Variants in SHANK2 observed in about 807,000 individuals in gnomAD.
SHANK2 encodes SH3 and multiple ankyrin repeat domains protein 2.
SHANK2 carries 43 observed loss-of-function variants against 133.7 expected under a neutral mutation model. The ratio of observed to expected loss-of-function variants is 0.32; its 90% CI spans 0.25 to 0.41. SHANK2 has a LOEUF of 0.41. Ranked by LOEUF, SHANK2 falls within the 10% of genes least tolerant of loss-of-function variation. The pLI, the probability that SHANK2 is intolerant of heterozygous loss-of-function variation, is 1.00. For synonymous variants in SHANK2, 1,017 were observed against 952.8 expected (o/e 1.07, Z -1.24); for missense variants, 1,994 against 2,235.8 (o/e 0.89, Z 2.18).
chr11:70,843,873 A>G (rs9734771), intron 11 of SHANK2, among the ~76,000 whole-genome samples: 127,090 of 152,116 alleles, frequency 0.84, 53,677 homozygotes, highest in South Asian at 0.95. Context: ...GTTCACAAAT[A>G]TCTCCTGGTG....
At chr11:70,726,308 G>A (rs550164167) in intron 14 of SHANK2, among the ~76,000 whole-genome samples, 3 of 152,300 alleles carry the variant, frequency 2.0e-5, no homozygotes, top group African/African-American at 7.2e-5. Context: ...TGTACCAAAA[G>A]CAGGAAGTGC....
chr11:70,530,783 G>C (rs778499887), intron 17 of SHANK2, among the ~76,000 whole-genome samples: 1 of 152,138 alleles, frequency 6.6e-6, no homozygotes, highest in Non-Finnish European at 1.5e-5. Flanking sequence ...ACTGGGGACA[G>C]TGTTTATTGG....
intron 14 of SHANK2, among the ~76,000 whole-genome samples, chr11:70,758,374 C>G (rs1404719497): frequency 6.6e-6 from 1 of 152,354 alleles, no homozygotes; most frequent in East Asian, 1.9e-4. Context: ...ATCCCAGACC[C>G]GCCGTTGACT....
In SHANK2 at chr11:70,927,743, G is replaced by T. The variant is rs114656332; in HGVS notation, c.1108-31176C>A. Among the ~76,000 whole-genome samples, 666 of 152,218 alleles carry T rather than the reference G, an allele frequency of 4.4e-3. 4 individuals are homozygous for T. Among genetic ancestry groups the T allele is most frequent in the African/African-American group, 0.015 (615 of 41,538 alleles). On this transcript the variant is annotated intron_variant, in intron 10 of 25. Transcript: ENST00000601538. ...GGGTCTATTTGGGAGGCTGTTCCTG[G>T]ATATATCTGGGAGAATGTTCCTGGA...
At chr11:70,638,169 T>TCAGA (rs200205019) in intron 17 of SHANK2, among the ~76,000 whole-genome samples, 3,020 of 152,322 alleles carry the variant, frequency 0.02, 44 homozygotes, top group Non-Finnish European at 0.031. Flanking sequence ...ACTGCACTGC[T>TCAGA]CAGAGCAGGA....
intron 8 of SHANK2, among the ~76,000 whole-genome samples, chr11:71,086,984 T>C (rs1951428677): frequency 6.6e-6 from 1 of 152,152 alleles, no homozygotes; most frequent in Non-Finnish European, 1.5e-5. Context: ...CAGAGGGCAG[T>C]GAACGCACCT....
chr11:70,881,909 G>T (rs782308017), intron 11 of SHANK2, among the ~76,000 whole-genome samples: 1 of 151,674 alleles, frequency 6.6e-6, no homozygotes, highest in Non-Finnish European at 1.5e-5. Context: ...ATAGGGTCTT[G>T]CTAAGTTGCC....
intron 11 of SHANK2, among the ~76,000 whole-genome samples, chr11:70,860,973 T>C (rs1432273547): frequency 6.6e-6 from 1 of 152,208 alleles, no homozygotes; most frequent in Non-Finnish European, 1.5e-5. Context: ...GGATACTCTC[T>C]TCCCAGGAGC....
At position 70,502,748 on chromosome 11, in the gene SHANK2, C is replaced by CCG. The variant is rs1555159067; in HGVS notation, c.2197+47_2197+48insCG. On this transcript the variant is annotated intron_variant, in intron 18 of 25. Transcript: ENST00000601538. ...GCTGTCCTGCCCGCCCCCACCCCCC[C>CCG]CCCCCAGTAGGGCCCCAGGCTGGAG... 1.8e-4 allele frequency: 197 copies of CCG among 1,071,932 alleles called. 1 individual carries two copies. The highest frequency in any genetic ancestry group is 2.1e-4 in the Non-Finnish European group (164 of 796,592). 66.4% of individuals were successfully genotyped at this position (1,071,932 alleles called of 1,614,324 possible).
At chr11:70,600,235 A>G (rs1488481962) in intron 17 of SHANK2, among the ~76,000 whole-genome samples, 5 of 152,000 alleles carry the variant, frequency 3.3e-5, no homozygotes, top group Non-Finnish European at 7.4e-5. Context: ...CCTGAACAAC[A>G]TGGCGAAACC....
At chr11:70,515,659 AAC>A (rs2059256204) in intron 17 of SHANK2, among the ~76,000 whole-genome samples, 4 of 151,026 alleles carry the variant, frequency 2.6e-5, no homozygotes, top group African/African-American at 2.4e-5. Flanking sequence ...AAAAAAAAAA[AAC>A]ATTTAAAAGT....
intron 2 of SHANK2, among the ~76,000 whole-genome samples, chr11:71,222,873 T>C (rs1555121497): frequency 6.6e-6 from 1 of 152,242 alleles, no homozygotes; most frequent in Non-Finnish European, 1.5e-5. Context: ...CCAGTGCTTC[T>C]GCACAAGGGA....
At chr11:70,753,185 A>C (rs1402776450) in intron 14 of SHANK2, among the ~76,000 whole-genome samples, 2 of 151,726 alleles carry the variant, frequency 1.3e-5, no homozygotes, top group Non-Finnish European at 2.9e-5. Flanking sequence ...AAAAAAAAAA[A>C]ACAAAAAACA....
At chr11:71,208,855 A>C (rs1469704858) in intron 2 of SHANK2, among the ~76,000 whole-genome samples, 2 of 152,226 alleles carry the variant, frequency 1.3e-5, no homozygotes, top group Non-Finnish European at 2.9e-5. Flanking sequence ...TCTCTGACTT[A>C]GAGCAGAGGT....
chr11:70,809,469 C>T (rs547798669), intron 12 of SHANK2, among the ~76,000 whole-genome samples: 15 of 152,280 alleles, frequency 9.9e-5, no homozygotes, highest in Admixed American at 2.6e-4. Flanking sequence ...TGTAATCACC[C>T]GACTCATGTG....
intron 14 of SHANK2, among the ~76,000 whole-genome samples, chr11:70,767,567 G>A (rs1947148633): frequency 6.6e-6 from 1 of 152,100 alleles, no homozygotes. Context: ...ATGTGGACGA[G>A]CCTTGAGAAC....
At chr11:70,885,018 G>A (rs1454474229) in intron 11 of SHANK2, among the ~76,000 whole-genome samples, 1 of 152,198 alleles carries the variant, frequency 6.6e-6, no homozygotes, top group Admixed American at 6.5e-5. Flanking sequence ...ACTGCGCCCA[G>A]CCAGGGGTCT....
intron 17 of SHANK2, among the ~76,000 whole-genome samples, chr11:70,513,860 A>T (rs1554969611): frequency 6.6e-6 from 1 of 152,204 alleles, no homozygotes; most frequent in African/African-American, 2.4e-5. Context: ...AACAGAGAGT[A>T]TTAAGGATCA....
chr11:70,633,100 TGA>T (rs1489111624), intron 17 of SHANK2, among the ~76,000 whole-genome samples: 7 of 151,972 alleles, frequency 4.6e-5, no homozygotes, highest in Admixed American at 2.0e-4. Context: ...TGTCTGCAGC[TGA>T]TTTAGACACG....
Sources: gnomAD v4.1 joint callset for allele counts (sites outside exome capture counted in the v4.1 genomes callset) on GRCh38, gnomAD v4.1.1 for gene constraint, MANE v1.5 for transcripts, NCBI Gene and HGNC (gene_info 2026-07-23, HGNC 2026-07-21) for gene names.